Variants in PADI4 observed in about 807,000 individuals in gnomAD.
PADI4 encodes the protein peptidyl arginine deiminase 4.
PADI4 carries 62 observed loss-of-function variants against 75.0 expected under a neutral mutation model. That is an observed-to-expected ratio of 0.83 (90% CI 0.67 to 1.02). The LOEUF (loss-of-function observed/expected upper bound fraction) is 1.02, where lower values mean the gene tolerates loss of function less well. Ranked by LOEUF, PADI4 falls within the 50% of genes least tolerant of loss-of-function variation. The pLI, the probability that PADI4 is intolerant of heterozygous loss-of-function variation, is 0.00. For synonymous variants in PADI4, 361 were observed against 348.1 expected (o/e 1.04, Z -0.41); for missense variants, 845 against 850.5 (o/e 0.99, Z 0.08).
chr1:17,354,706 G>C lies in PADI4; in HGVS notation c.1310+19G>C. ...ATCCCAGGTAAGGAGGGGAGTAACA[G>C]GAAGGGGTGGCCAGGACCCAGGTAT... On this transcript the variant is annotated intron_variant, in intron 11 of 15. Coordinates refer to ENST00000375448, the MANE Select transcript of PADI4 (RefSeq NM_012387.3). The C allele has an allele frequency of 6.3e-7, 1 of 1,581,916 alleles. No individual in the cohort carries two copies. Among genetic ancestry groups the C allele is most frequent in the South Asian group, 1.2e-5 (1 of 85,660 alleles).
intron 15 of PADI4, among the ~76,000 whole-genome samples, 190 bp downstream of exon 15, chr1:17,359,598 G>C (rs1235952490): frequency 1.3e-5 from 2 of 152,140 alleles, no homozygotes; most frequent in South Asian, 2.1e-4. Context: ...ACAAGGTCAG[G>C]CTTCTACTGA....
intron 1 of PADI4, among the ~76,000 whole-genome samples, chr1:17,324,204 T>A (rs1394131919): frequency 6.8e-6 from 1 of 147,618 alleles, no homozygotes; most frequent in Non-Finnish European, 1.5e-5. Flanking sequence ...GTAAGCAGTG[T>A]GTTAGAGTTT....
chr1:17,325,910 G>T (rs1454127455), intron 1 of PADI4, among the ~76,000 whole-genome samples: 1 of 151,894 alleles, frequency 6.6e-6, no homozygotes, highest in African/African-American at 2.4e-5. Context: ...TGCCACGTTG[G>T]CCAGGCTGGT....
chr1:17,308,456 G>C (rs1214462023), intron 1 of PADI4, 142 bp downstream of exon 1: 1 of 666,620 alleles, frequency 1.5e-6, no homozygotes, highest in Non-Finnish European at 2.6e-6. Flanking sequence ...GCTGGAGAGA[G>C]AAGACCCCAG....
intron 6 of PADI4, 113 bp from the exon 7 acceptor site, chr1:17,341,830 C>T: frequency 2.7e-6 from 2 of 748,396 alleles, no homozygotes; most frequent in East Asian, 5.4e-5. Context: ...AAGGGGTTCT[C>T]TGATGGTGCC....
intron 15 of PADI4, 87 bp from the exon 16 acceptor site, chr1:17,363,435 C>T: frequency 1.1e-6 from 1 of 887,198 alleles, no homozygotes; most frequent in Non-Finnish European, 1.8e-6. Flanking sequence ...GCTATTATTT[C>T]CAAAGGTCAG....
intron 6 of PADI4, among the ~76,000 whole-genome samples, chr1:17,340,725 G>GTTT (rs34686723): frequency 1.4e-5 from 2 of 142,878 alleles, no homozygotes; most frequent in Non-Finnish European, 3.1e-5. Context: ...CCATGGGAGG[G>GTTT]TTTTTTTTTT....
rs577972490 is a variant in PADI4 at position 17,354,534 on chromosome 1, G to T, written c.1157G>T (p.Gly386Val). 33 of 1,613,930 alleles carry T rather than the reference G, an allele frequency of 2.0e-5. No homozygotes were observed. In the South Asian group the frequency reaches 2.9e-4, roughly 14 times the overall value. Residue 386 changes from glycine (G) to valine (V), a missense_variant and splice_region_variant, in exon 11 of 16, where the codon GGT (glycine) becomes GTT (valine). Coordinates refer to ENST00000375448, the MANE Select transcript of PADI4 (RefSeq NM_012387.3). ...TGGCACTCCCTTCTCCTATCTCAGG[G>T]TCCAGATTTTGGCTATGTAACTCGA... ...LKEFPIKRVM[G>V]PDFGYVTRGP...
At chr1:17,320,426 A>G (rs2074013939) in intron 1 of PADI4, among the ~76,000 whole-genome samples, 1 of 152,246 alleles carries the variant, frequency 6.6e-6, no homozygotes, top group South Asian at 2.1e-4. Flanking sequence ...TAGACAGAGC[A>G]GTCCCAAAGG....
intron 7 of PADI4, 33 bp from the exon 8 acceptor site, chr1:17,342,266 A>T: frequency 6.9e-7 from 1 of 1,447,070 alleles, no homozygotes; most frequent in Non-Finnish European, 9.7e-7. Flanking sequence ...CAGCGGTGAC[A>T]GCCCCTCCTT....
chr1:17,359,490 TC>T (rs2074819503), intron 15 of PADI4, 82 bp downstream of exon 15: 1 of 1,587,610 alleles, frequency 6.3e-7, no homozygotes, highest in Non-Finnish European at 8.6e-7. Flanking sequence ...ACCCGGGCGG[TC>T]CCAGAGGGCT....
intron 4 of PADI4, 130 bp from the exon 5 acceptor site, chr1:17,337,908 C>T (rs539761817): frequency 6.1e-4 from 221 of 363,270 alleles, no homozygotes; most frequent in African/African-American, 4.0e-3. Context: ...AGGGAGACTC[C>T]GTCTCAAAAA....
Position 17,336,231 on chromosome 1 carries a change from C to T in PADI4, c.408+5C>T. ...ACCAGAGCTGTGAAAGATCAGGTAC[C>T]ACTCACCCAAACGCTCCTTTCCTAC... On this transcript the variant is annotated splice_donor_5th_base_variant and intron_variant, in intron 4 of 15. Transcript: ENST00000375448. 2.5e-6 allele frequency: 4 copies of T among 1,611,966 alleles called. No homozygotes were observed. The highest frequency in any genetic ancestry group is 3.4e-6 in the Non-Finnish European group (4 of 1,178,014).
At chr1:17,321,086 A>G (rs1242531530) in intron 1 of PADI4, among the ~76,000 whole-genome samples, 1 of 152,188 alleles carries the variant, frequency 6.6e-6, no homozygotes, top group Non-Finnish European at 1.5e-5. Context: ...CAGAGGGCTG[A>G]TCTCATTTTG....
chr1:17,314,068 G>A (rs922799235), intron 1 of PADI4, among the ~76,000 whole-genome samples: 4 of 152,172 alleles, frequency 2.6e-5, no homozygotes, highest in Non-Finnish European at 5.9e-5. Flanking sequence ...GGCTATAAAG[G>A]TGCCAGACCC....
chr1:17,309,974 G>T (rs1557533022), intron 1 of PADI4, among the ~76,000 whole-genome samples: 1 of 152,128 alleles, frequency 6.6e-6, no homozygotes, highest in Non-Finnish European at 1.5e-5. Flanking sequence ...CCCTAGAGAG[G>T]TGGGTGGACA....
chr1:17,312,520 G>T, intron 1 of PADI4, among the ~76,000 whole-genome samples: 1 of 151,860 alleles, frequency 6.6e-6, no homozygotes, highest in Non-Finnish European at 1.5e-5. Flanking sequence ...AAAAAGATGG[G>T]TAGATAAGAG....
intron 1 of PADI4, among the ~76,000 whole-genome samples, chr1:17,319,252 A>G (rs2073994206): frequency 6.6e-6 from 1 of 152,100 alleles, no homozygotes; most frequent in East Asian, 1.9e-4. Context: ...TCAAGAGTAC[A>G]GGGTTTTACC....
intron 10 of PADI4, among the ~76,000 whole-genome samples, chr1:17,351,174 G>T (rs1323449630): frequency 4.3e-5 from 6 of 138,858 alleles, no homozygotes; most frequent in African/African-American, 1.5e-4. Context: ...CTCCAGTCTG[G>T]GTGACAGATG....
Sources: allele counts gnomAD v4.1 joint callset (sites outside exome capture counted in the v4.1 genomes callset), GRCh38; gene constraint gnomAD v4.1.1; transcripts MANE v1.5; gene names NCBI Gene and HGNC (gene_info 2026-07-23, HGNC 2026-07-21).